Variants in SORCS2 observed in about 807,000 individuals in gnomAD.
SORCS2 encodes the protein sortilin related VPS10 domain containing receptor 2, also known as VPS10 domain-containing receptor SorCS2.
A neutral mutation model predicts 141.6 loss-of-function variants in SORCS2; 100 were observed. The ratio of observed to expected loss-of-function variants is 0.71; its 90% CI spans 0.60 to 0.83. The LOEUF (loss-of-function observed/expected upper bound fraction) is 0.83. Ranked by LOEUF, SORCS2 falls within the 40% of genes least tolerant of loss-of-function variation. SORCS2 has a pLI of 0.00. For missense variants in SORCS2, 1,646 were observed against 1,560.2 expected (o/e 1.05, Z -0.93); for synonymous variants, 789 against 676.9 (o/e 1.17, Z -2.57).
chr4:7,645,547 G>A (rs146305860), intron 4 of SORCS2, among the ~76,000 whole-genome samples: 7 of 152,226 alleles, frequency 4.6e-5, no homozygotes, highest in Non-Finnish European at 1.0e-4. Context: ...GCACAGCTCA[G>A]TGCCTGGCTC....
chr4:7,350,203 G>T (rs1720858383), intron 1 of SORCS2, among the ~76,000 whole-genome samples: 1 of 152,180 alleles, frequency 6.6e-6, no homozygotes, highest in East Asian at 1.9e-4. Flanking sequence ...TTCCCTGAAG[G>T]GAATCTGTCC....
Position 7,664,255 on chromosome 4 carries a change from C to A in SORCS2, c.953-98C>A. 1 of 934,418 alleles carries A rather than the reference C, an allele frequency of 1.1e-6. No homozygotes were observed. The allele number at this position is 934,418 out of a possible 1,614,324, so 57.9% of individuals were successfully genotyped here. A position where few individuals can be genotyped will look rare whatever the true frequency, so the allele number is the denominator to read the frequency against. Reference sequence around the variant, plus strand: ...AATTCAAGCCCATGAAGCCACACCACAGCGGTATTGGAGGAAGATGGAGTC... The same window carrying A: ...AATTCAAGCCCATGAAGCCACACCAAAGCGGTATTGGAGGAAGATGGAGTC... On this transcript the variant is annotated intron_variant, in intron 6 of 26. Transcript: ENST00000507866. This position sits in a 1 kb window ranked among gnomAD's most constrained non-coding sequence, Gnocchi z 4.7.
chr4:7,621,800 C>T lies in SORCS2; in HGVS notation c.649-16528C>T, dbSNP rs142033234. Among the ~76,000 whole-genome samples, 12 of 152,324 alleles carry T rather than the reference C, an allele frequency of 7.9e-5. No homozygotes were observed. The East Asian group carries it at 1.5e-3, about 20-fold the overall frequency. On this transcript the variant is annotated intron_variant, in intron 3 of 26. Transcript: ENST00000507866. ...CCAGCTCGGCTCTGTCTGAGACAGG[C>T]GACCTCTGGGTAAGATGCTCACCTC...
chr4:7,346,746 T>TCA (rs1553846226), intron 1 of SORCS2, among the ~76,000 whole-genome samples: 3 of 152,248 alleles, frequency 2.0e-5, no homozygotes, highest in Non-Finnish European at 4.4e-5. Context: ...GTACTTGTTA[T>TCA]ATCTTCCTGA....
At chr4:7,320,120 T>C (rs1321263472) in intron 1 of SORCS2, among the ~76,000 whole-genome samples, 1 of 150,058 alleles carries the variant, frequency 6.7e-6, no homozygotes, top group Non-Finnish European at 1.5e-5. Flanking sequence ...CTGGGCAAAA[T>C]AGCAAGACTT....
At chr4:7,387,732 T>C (rs1230904540) in intron 1 of SORCS2, among the ~76,000 whole-genome samples, 1 of 79,968 alleles carries the variant, frequency 1.3e-5, no homozygotes, top group Non-Finnish European at 2.5e-5. Context: ...ACATACACAT[T>C]TGCACACATG....
At chr4:7,691,667 C>G (rs1181491192) in intron 11 of SORCS2, among the ~76,000 whole-genome samples, 1 of 152,164 alleles carries the variant, frequency 6.6e-6, no homozygotes, top group African/African-American at 2.4e-5. Flanking sequence ...CGCTGACTGC[C>G]TATCAGCTTC....
At chr4:7,397,096 A>G (rs111683747) in intron 2 of SORCS2, among the ~76,000 whole-genome samples, 1 of 152,350 alleles carries the variant, frequency 6.6e-6, no homozygotes, top group African/African-American at 2.4e-5. Flanking sequence ...TTGGTTTCCA[A>G]CATATGTTTC....
intron 2 of SORCS2, among the ~76,000 whole-genome samples, chr4:7,416,528 ACT>A (rs934949274): frequency 1.3e-5 from 2 of 150,710 alleles, no homozygotes; most frequent in African/African-American, 2.5e-5. Context: ...ATACTGACAC[ACT>A]CACACACGCC....
chr4:7,401,396 G>C (rs1264722490), intron 2 of SORCS2, among the ~76,000 whole-genome samples: 1 of 152,162 alleles, frequency 6.6e-6, no homozygotes, highest in Non-Finnish European at 1.5e-5. Flanking sequence ...GATGGATGGT[G>C]ATGTGGTTTT....
chr4:7,433,264 A>G (rs183139546), intron 2 of SORCS2: 4 of 1,336,738 alleles, frequency 3.0e-6, no homozygotes, highest in Non-Finnish European at 3.8e-6. Flanking sequence ...TGGGGAAAGC[A>G]CCCACCTCAT....
intron 1 of SORCS2, among the ~76,000 whole-genome samples, chr4:7,261,748 C>T (rs142855574): frequency 1.5e-4 from 23 of 152,308 alleles, no homozygotes; most frequent in Admixed American, 2.6e-4. Context: ...ACCTCGGGAC[C>T]GGCCTTTCCA....
At chr4:7,562,722 C>T (rs1391805665) in intron 3 of SORCS2, among the ~76,000 whole-genome samples, 1 of 152,166 alleles carries the variant, frequency 6.6e-6, no homozygotes, top group Non-Finnish European at 1.5e-5. Context: ...TGTGGGCAGG[C>T]CCCAAGCCCA....
At chr4:7,605,570 C>T (rs1718006150) in intron 3 of SORCS2, among the ~76,000 whole-genome samples, 1 of 152,144 alleles carries the variant, frequency 6.6e-6, no homozygotes, top group African/African-American at 2.4e-5. Context: ...CTTGAAATAT[C>T]TGAAGGTGTG....
At chr4:7,693,102 C>A (rs1724363588) in intron 11 of SORCS2, among the ~76,000 whole-genome samples, 1 of 152,202 alleles carries the variant, frequency 6.6e-6, no homozygotes, top group Non-Finnish European at 1.5e-5. Flanking sequence ...GGGCGTGTTG[C>A]AGGACTGAAC....
At chr4:7,477,012 G>T (rs1730338797) in intron 2 of SORCS2, among the ~76,000 whole-genome samples, 2 of 152,140 alleles carry the variant, frequency 1.3e-5, no homozygotes, top group South Asian at 4.1e-4. Flanking sequence ...TCACCCCCAG[G>T]GCCCCAGCTG....
chr4:7,294,658 T>C (rs1716836402), intron 1 of SORCS2, among the ~76,000 whole-genome samples: 1 of 115,886 alleles, frequency 8.6e-6, no homozygotes, highest in Non-Finnish European at 1.8e-5. Flanking sequence ...CCCCTCTCCC[T>C]CTTCCTCTCC....
At position 7,663,440 on chromosome 4, in the gene SORCS2, C is replaced by G. The variant is rs2108921999; in HGVS notation, c.953-913C>G. 6.6e-6 allele frequency among the ~76,000 whole-genome samples: 1 copy of G among 152,322 alleles called. No homozygotes were observed. The highest frequency in any genetic ancestry group is 2.1e-4 in the South Asian group (1 of 4,828). ...CCAGGCAGCCCCACTGCAGGAAGTT[C>G]AGTGGTTCAGTGTTGAGTGCCGGGC... is the stretch of plus-strand genomic sequence containing the variant. On this transcript the variant is annotated intron_variant, in intron 6 of 26. Transcript: ENST00000507866. This position sits in a 1 kb window ranked among gnomAD's most constrained non-coding sequence, Gnocchi z 4.8.
intron 2 of SORCS2, among the ~76,000 whole-genome samples, chr4:7,437,908 C>T (rs917352156): frequency 6.6e-6 from 1 of 152,202 alleles, no homozygotes; most frequent in Admixed American, 6.5e-5. Flanking sequence ...TGTCCACACA[C>T]ATGTATATAT....
Sources: gnomAD v4.1 joint callset for allele counts (sites outside exome capture counted in the v4.1 genomes callset) on GRCh38, gnomAD v4.1.1 for gene constraint, Gnocchi (gnomAD v3.1) non-coding constraint, MANE v1.5 for transcripts, NCBI Gene and HGNC (gene_info 2026-07-23, HGNC 2026-07-21) for gene names.